The following EYA3 variants were observed in gnomAD, a reference collection of about 807,000 sequenced individuals.
EYA3 encodes protein phosphatase EYA3.
A neutral mutation model predicts 80.0 loss-of-function variants in EYA3; 39 were observed. The ratio of observed to expected loss-of-function variants is 0.49; its 90% confidence interval spans 0.38 to 0.64. The LOEUF (loss-of-function observed/expected upper bound fraction) is 0.64. Ranked by LOEUF, EYA3 falls within the 30% of genes least tolerant of loss-of-function variation. The probability of loss-of-function intolerance (pLI) is 0.00; values close to 1 mark genes in which losing one functional copy is unlikely to be tolerated. For synonymous variants in EYA3, 206 were observed against 232.8 expected, an observed-to-expected ratio of 0.88 and a Z score of 1.05; for missense variants, 523 against 676.1, an observed-to-expected ratio of 0.77 and a Z score of 2.51.
intron 16 of EYA3, among the ~76,000 whole-genome samples, chr1:27,985,613 G>A (rs886983291): frequency 6.6e-6 from 1 of 151,772 alleles, no homozygotes; most frequent in East Asian, 1.9e-4. Flanking sequence ...GTGGAGTCTC[G>A]CTCTGTCACC....
intron 7 of EYA3, among the ~76,000 whole-genome samples, 153 bp from the exon 8 acceptor site, chr1:28,017,392 T>C (rs1236579963): frequency 1.3e-5 from 2 of 152,246 alleles, no homozygotes; most frequent in African/African-American, 4.8e-5. Flanking sequence ...TTGTGTGGGA[T>C]AGCTACATTT....
chr1:28,021,703 A>G (rs1471189741), intron 7 of EYA3, among the ~76,000 whole-genome samples: 2 of 151,690 alleles, frequency 1.3e-5, no homozygotes, highest in African/African-American at 4.8e-5. Flanking sequence ...TCCCTGGTTC[A>G]GGCGATTCTC....
At chr1:28,087,367 G>C (rs1342975133) in intron 1 of EYA3, among the ~76,000 whole-genome samples, 1 of 152,056 alleles carries the variant, frequency 6.6e-6, no homozygotes, top group African/African-American at 2.4e-5. Context: ...ACAAAAGTTA[G>C]AAGAATATTC....
At chr1:28,055,255 T>C (rs1644395976) in intron 2 of EYA3, among the ~76,000 whole-genome samples, 1 of 152,164 alleles carries the variant, frequency 6.6e-6, no homozygotes, top group South Asian at 2.1e-4. Context: ...TGCTGTTCTT[T>C]ATACTCTATT....
chr1:28,041,405 T>C (rs550168648), intron 4 of EYA3, among the ~76,000 whole-genome samples: 4 of 151,644 alleles, frequency 2.6e-5, no homozygotes, highest in African/African-American at 9.7e-5. Context: ...ATACAAAAAA[T>C]AGCTGGGCAT....
intron 10 of EYA3, among the ~76,000 whole-genome samples, chr1:28,010,470 A>C (rs1477706123): frequency 2.0e-5 from 3 of 152,122 alleles, no homozygotes; most frequent in Non-Finnish European, 2.9e-5. Flanking sequence ...AGCTCACTGC[A>C]GCCTCAACCT....
intron 2 of EYA3, among the ~76,000 whole-genome samples, chr1:28,050,451 C>G (rs936283766): frequency 6.6e-6 from 1 of 152,072 alleles, no homozygotes; most frequent in Non-Finnish European, 1.5e-5. Flanking sequence ...ATCCGTCCAC[C>G]TTGGTCTCCC....
chr1:28,058,528 TTAAA>T (rs1229291470), intron 1 of EYA3, among the ~76,000 whole-genome samples: 1 of 152,164 alleles, frequency 6.6e-6, no homozygotes, highest in East Asian at 1.9e-4. Flanking sequence ...CAGAATCACT[TTAAA>T]TAGGACAAAC....
At chr1:28,058,385 G>T (rs1037058069) in intron 1 of EYA3, among the ~76,000 whole-genome samples, 1 of 152,160 alleles carries the variant, frequency 6.6e-6, no homozygotes, top group South Asian at 2.1e-4. Context: ...GCCACGTGCA[G>T]ATAATAAAAT....
rs1644990166 is a variant in EYA3, at chr1:28,070,633, C to T, written c.-68-12539G>A. Among the ~76,000 whole-genome samples, 3 of 152,138 alleles carry T rather than the reference C, an allele frequency of 2.0e-5. No individual in the cohort carries two copies. In the South Asian group the frequency reaches 6.2e-4, roughly 32 times the overall value. ...ACATACAGCTGAAAAAAAAATGCTT[C>T]CAGACATTAAAAATAATAAACATAA... On this transcript the variant is annotated intron_variant, in intron 1 of 17. Coordinates refer to ENST00000373871, the MANE Select transcript of EYA3 (RefSeq NM_001990.4).
Position 28,068,355 on chromosome 1 carries a change from A to C in EYA3, c.-68-10261T>G, listed in dbSNP as rs114457005. On this transcript the variant is annotated intron_variant, in intron 1 of 17. Transcript: ENST00000373871. ...ATCTCAAAAAAAAAAAAAAAATTAC[A>C]TTCCTAATATTATTACCTTAGGCTA... 4.6e-3 allele frequency among the ~76,000 whole-genome samples: 699 copies of C among 151,510 alleles called. 5 individuals are homozygous for C. The highest frequency in any genetic ancestry group is 0.016 in the African/African-American group (669 of 41,344).
Position 28,004,424 on chromosome 1 carries a change from G to T in EYA3, c.910-5C>A. On this transcript the variant is annotated splice_region_variant and splice_polypyrimidine_tract_variant and intron_variant, in intron 10 of 17. Coordinates refer to ENST00000373871, the MANE Select transcript of EYA3 (RefSeq NM_001990.4). Reference sequence around the variant, plus strand: ...CAAGTCCCACAGAAATACCCGCTGAGGAAAGAAAATATAAAAAATGAGTAT... The same window carrying T: ...CAAGTCCCACAGAAATACCCGCTGATGAAAGAAAATATAAAAAATGAGTAT... 6.3e-7 allele frequency: 1 copy of T among 1,594,610 alleles called. No individual in the cohort carries two copies. The highest frequency in any genetic ancestry group is 8.6e-7 in the Non-Finnish European group (1 of 1,166,594).
chr1:27,991,653 T>C (rs1640071053), intron 14 of EYA3, among the ~76,000 whole-genome samples: 1 of 152,238 alleles, frequency 6.6e-6, no homozygotes, highest in Admixed American at 6.5e-5. Context: ...TAGAATTAGA[T>C]GACTCTTAAC....
At chr1:28,016,532 T>TAAAAAAAAA in intron 8 of EYA3, among the ~76,000 whole-genome samples, 1 of 113,954 alleles carries the variant, frequency 8.8e-6, no homozygotes. Flanking sequence ...GACTCCATCT[T>TAAAAAAAAA]AAAAAAAAAA....
intron 3 of EYA3, among the ~76,000 whole-genome samples, chr1:28,044,394 A>G (rs888101985): frequency 4.6e-5 from 7 of 152,232 alleles, no homozygotes; most frequent in East Asian, 1.9e-4. Context: ...AGGAGGACTA[A>G]TAAGTTTACA....
chr1:28,048,449 G>C, intron 2 of EYA3, 23 bp from the exon 3 acceptor site: 1 of 1,594,286 alleles, frequency 6.3e-7, no homozygotes, highest in South Asian at 1.1e-5. Flanking sequence ...ATATACAAAG[G>C]TATCAATGTA....
At chr1:28,028,427 G>A (rs1009017704) in intron 6 of EYA3, among the ~76,000 whole-genome samples, 20 of 151,940 alleles carry the variant, frequency 1.3e-4, no homozygotes, top group African/African-American at 3.1e-4. Context: ...TGTTTCTTCC[G>A]ATTAGGAAAG....
intron 14 of EYA3, among the ~76,000 whole-genome samples, chr1:27,991,144 A>T (rs1342081570): frequency 6.6e-6 from 1 of 152,162 alleles, no homozygotes; most frequent in Non-Finnish European, 1.5e-5. Context: ...CAAAGTGCGA[A>T]AAATTAGTGT....
chr1:28,014,452 G>A (rs1302708464), intron 8 of EYA3, among the ~76,000 whole-genome samples: 1 of 146,950 alleles, frequency 6.8e-6, no homozygotes, highest in Non-Finnish European at 1.5e-5. Flanking sequence ...AAAAGGCCAG[G>A]CACGGGAGCT....
Sources: gnomAD v4.1 joint callset for allele counts (sites outside exome capture counted in the v4.1 genomes callset) on GRCh38, gnomAD v4.1.1 for gene constraint, MANE v1.5 for transcripts, NCBI Gene and HGNC (gene_info 2026-07-23, HGNC 2026-07-21) for gene names.